The following ATP10B variants were observed in gnomAD, a reference collection of about 807,000 sequenced individuals.
The protein encoded by ATP10B is phospholipid-transporting ATPase VB.
Under a neutral mutation model 141.2 loss-of-function variants are expected in ATP10B, and 122 were observed. That is an observed-to-expected ratio of 0.86 (90% confidence interval 0.75 to 1.00). The LOEUF is 1.00. ATP10B is among the 50% of genes least tolerant of loss of function. The pLI, the probability that ATP10B is intolerant of heterozygous loss-of-function variation, is 0.00. For missense variants in ATP10B, 1,876 were observed against 1,825.3 expected (o/e 1.03, Z -0.51); for synonymous variants, 685 against 692.0 (o/e 0.99, Z 0.16).
intron 7 of ATP10B, among the ~76,000 whole-genome samples, chr5:160,652,929 ATATATACATG>A (rs1760953910): frequency 1.2e-5 from 1 of 82,640 alleles, no homozygotes; most frequent in African/African-American, 5.5e-5. Flanking sequence ...ATAATATATT[ATATATACATG>A]TATATATAAT....
chr5:160,873,806 T>C, the ATP10B span, among the ~76,000 whole-genome samples: 1 of 152,226 alleles, frequency 6.6e-6, no homozygotes, highest in Non-Finnish European at 1.5e-5. Context: ...CACTCCCACC[T>C]GAATATTGCG....
intron 1 of ATP10B, among the ~76,000 whole-genome samples, chr5:160,812,408 T>C (rs993378766): frequency 2.5e-5 from 3 of 118,264 alleles, no homozygotes; most frequent in Non-Finnish European, 4.0e-5. Flanking sequence ...ATGGACTAAA[T>C]AAGGTACCAG....
At chr5:160,755,909 T>C (rs1768568174) in intron 2 of ATP10B, among the ~76,000 whole-genome samples, 1 of 143,906 alleles carries the variant, frequency 6.9e-6, no homozygotes, top group Non-Finnish European at 1.5e-5. Flanking sequence ...GTCATATATG[T>C]GGTCTGTCAT....
the ATP10B span, among the ~76,000 whole-genome samples, chr5:160,918,957 G>A: frequency 6.6e-6 from 1 of 151,996 alleles, no homozygotes; most frequent in Non-Finnish European, 1.5e-5. Flanking sequence ...CGGGCGCGGT[G>A]GCTCACGCCT....
intron 7 of ATP10B, 79 bp downstream of exon 7, chr5:160,670,384 G>A: frequency 1.4e-6 from 2 of 1,432,688 alleles, no homozygotes; most frequent in Non-Finnish European, 2.0e-6. Flanking sequence ...TACCCAGTAG[G>A]TTTAGTTCAA....
At chr5:160,595,487 G>A (rs909099109) in intron 22 of ATP10B, among the ~76,000 whole-genome samples, 10 of 151,950 alleles carry the variant, frequency 6.6e-5, no homozygotes, top group East Asian at 5.8e-4. Flanking sequence ...AAGAACTAGA[G>A]AAGCAAGAGC....
chr5:160,835,196 A>C (rs1285020490), intron 1 of ATP10B, among the ~76,000 whole-genome samples: 1 of 152,100 alleles, frequency 6.6e-6, no homozygotes, highest in Non-Finnish European at 1.5e-5. Context: ...AAGATGTGAC[A>C]AAAAAATAAC....
intron 18 of ATP10B, among the ~76,000 whole-genome samples, chr5:160,610,761 A>G (rs898756039): frequency 6.6e-6 from 1 of 152,208 alleles, no homozygotes; most frequent in Non-Finnish European, 1.5e-5. Context: ...TTGCAATAGC[A>G]ATAATAGTGG....
At chr5:160,587,614 G>C (rs1755995144) in intron 24 of ATP10B, among the ~76,000 whole-genome samples, 2 of 152,080 alleles carry the variant, frequency 1.3e-5, no homozygotes. Flanking sequence ...TTGACCAGTG[G>C]TTTGTAGTTC....
chr5:160,680,676 T>C (rs553413653), intron 6 of ATP10B, among the ~76,000 whole-genome samples: 1 of 152,382 alleles, frequency 6.6e-6, no homozygotes, highest in Admixed American at 6.5e-5. Flanking sequence ...AAAAAAACTT[T>C]GGCTTTTACA....
chr5:160,775,415 GTA>G (rs1348463932), intron 2 of ATP10B, among the ~76,000 whole-genome samples: 7 of 152,282 alleles, frequency 4.6e-5, no homozygotes, highest in East Asian at 1.9e-4. Flanking sequence ...GTCCTTCCTA[GTA>G]TATATGTTTT....
the ATP10B span, among the ~76,000 whole-genome samples, chr5:160,913,790 G>C: frequency 3.3e-5 from 5 of 152,130 alleles, no homozygotes; most frequent in African/African-American, 1.2e-4. Context: ...TACTGGGCCT[G>C]GGTGTAATGT....
At chr5:160,610,405 G>A (rs1055255696) in intron 18 of ATP10B, among the ~76,000 whole-genome samples, 2 of 152,146 alleles carry the variant, frequency 1.3e-5, no homozygotes, top group African/African-American at 4.8e-5. Flanking sequence ...GCCGTCAGAT[G>A]AGCCCACAGC....
At chr5:160,915,400 C>T in the ATP10B span, among the ~76,000 whole-genome samples, 2,236 of 150,828 alleles carry the variant, frequency 0.015, 52 homozygotes, top group African/African-American at 0.052. Context: ...GGTGTGATCT[C>T]GGCTCACTGC....
intron 7 of ATP10B, among the ~76,000 whole-genome samples, chr5:160,666,154 G>A (rs1762304858): frequency 6.6e-6 from 1 of 152,116 alleles, no homozygotes; most frequent in Admixed American, 6.5e-5. Flanking sequence ...AGTGTTTCTG[G>A]AAGCACTGGA....
chr5:160,727,989 T>G (rs1766476619), intron 2 of ATP10B, among the ~76,000 whole-genome samples: 1 of 152,212 alleles, frequency 6.6e-6, no homozygotes, highest in Non-Finnish European at 1.5e-5. Flanking sequence ...CTGTTTGGTT[T>G]CACACTGATA....
At position 160,563,548 on chromosome 5, in the gene ATP10B, T is replaced by C. The variant is rs933695571; in HGVS notation, c.*1905A>G. The C allele has an allele frequency of 6.6e-6, 1 of 152,228 alleles. No homozygotes were observed. The highest frequency in any genetic ancestry group is 2.4e-5 in the African/African-American group (1 of 41,460). The allele number at this position is 152,228 out of a possible 1,614,324, so 9.4% of individuals were successfully genotyped here. A position where few individuals can be genotyped will look rare whatever the true frequency, so the allele number is the denominator to read the frequency against. Reference sequence around the variant, plus strand: ...TCCCTTTTGTTATTACTGAGGGTGTTACAGCTTTCAGAGGCTTTTTTACCA... The same window carrying C: ...TCCCTTTTGTTATTACTGAGGGTGTCACAGCTTTCAGAGGCTTTTTTACCA... On this transcript the variant is annotated 3_prime_UTR_variant, in exon 26 of 26. Coordinates refer to ENST00000327245, the MANE Select transcript of ATP10B (RefSeq NM_025153.3).
intron 2 of ATP10B, among the ~76,000 whole-genome samples, chr5:160,782,630 T>C (rs534985873): frequency 6.6e-6 from 1 of 152,246 alleles, no homozygotes; most frequent in South Asian, 2.1e-4. Context: ...GACAGCAATA[T>C]GTGCAGAGAA....
At chr5:160,730,966 G>A (rs1766694676) in intron 2 of ATP10B, among the ~76,000 whole-genome samples, 1 of 152,086 alleles carries the variant, frequency 6.6e-6, no homozygotes, top group Non-Finnish European at 1.5e-5. Context: ...TCTGAGACCT[G>A]GTTCAGCCAT....
Sources: gnomAD v4.1 joint callset for allele counts (sites outside exome capture counted in the v4.1 genomes callset) on GRCh38, gnomAD v4.1.1 for gene constraint, MANE v1.5 for transcripts, NCBI Gene and HGNC (gene_info 2026-07-23, HGNC 2026-07-21) for gene names.